The following TMEM168 variants were observed in gnomAD, a reference collection of about 807,000 sequenced individuals.
TMEM168 encodes transmembrane protein 168.
A neutral mutation model predicts 53.2 loss-of-function variants in TMEM168; 40 were observed. That is an observed-to-expected ratio of 0.75 (90% CI 0.58 to 0.98). TMEM168 has a LOEUF of 0.98. Among genes scored for constraint, TMEM168 ranks in the 50% least tolerant of loss-of-function variants. TMEM168 has a pLI of 0.00. For missense variants in TMEM168, 771 were observed against 828.8 expected (o/e 0.93, Z 0.86); for synonymous variants, 282 against 293.0 (o/e 0.96, Z 0.38).
intron 1 of TMEM168, among the ~76,000 whole-genome samples, chr7:112,787,967 G>C (rs1443588388): frequency 1.3e-5 from 2 of 151,746 alleles, no homozygotes; most frequent in Non-Finnish European, 2.9e-5. Flanking sequence ...CCCGACCTCA[G>C]GTGATCCGTC....
At chr7:112,768,565 A>C (rs1400275647) in intron 4 of TMEM168, among the ~76,000 whole-genome samples, 1 of 152,212 alleles carries the variant, frequency 6.6e-6, no homozygotes, top group Non-Finnish European at 1.5e-5. Flanking sequence ...GAAAGTTCTA[A>C]AGTAAATAAA....
rs1584451422 is a variant in TMEM168, at chr7:112,784,315, T to C, written c.511A>G (p.Thr171Ala). The change falls in exon 2 of 5, where the codon ACT becomes GCT. Residue 171 changes from threonine to alanine, a missense_variant. Coordinates refer to ENST00000312814, the MANE Select transcript of TMEM168 (RefSeq NM_022484.6). ...ELVGFAIAST[T>A]MLVEKSLSVI... ...CTCAGAGACTTCTCCACCAACATAGTTGTGCTGGCAATGGCAAATCCAACA... is the reference window on the plus strand; with the variant it reads ...CTCAGAGACTTCTCCACCAACATAGCTGTGCTGGCAATGGCAAATCCAACA... The C allele has an allele frequency of 1.2e-6, 2 of 1,614,178 alleles. No homozygotes were observed. The highest frequency in any genetic ancestry group is 1.7e-6 in the Non-Finnish European group (2 of 1,180,032).
chr7:112,784,839 T>G lies in TMEM168; in HGVS notation c.-14A>C, dbSNP rs781031180. On this transcript the variant is annotated 5_prime_UTR_variant, in exon 2 of 5. Transcript: ENST00000312814. ...TGATTTACACATGTAACCAGCAATG[T>G]GGGCTTTTCCCTCACGTTACAAAAA... 12 of 1,537,858 alleles carry G rather than the reference T, an allele frequency of 7.8e-6. No homozygotes were observed. In the Admixed American group the frequency reaches 8.5e-5, roughly 11 times the overall value.
chr7:112,762,842 A>G lies in TMEM168; in HGVS notation c.*4355T>C, dbSNP rs1792694821. On this transcript the variant is annotated 3_prime_UTR_variant, in exon 5 of 5. Transcript: ENST00000312814. ...ATTACTGCTTAAACTTCATCGTTTT[A>G]TATTGTTTCTATGTGTTATAATTAG... The G allele has an allele frequency of 6.6e-6, 1 of 152,068 alleles. No individual in the cohort carries two copies. Among genetic ancestry groups the G allele is most frequent in the African/African-American group, 2.4e-5 (1 of 41,450 alleles). 9.4% of individuals were successfully genotyped at this position (152,068 alleles called of 1,614,324 possible).
In TMEM168 at chr7:112,765,593, T is replaced by C. The variant is rs1193594809; in HGVS notation, c.*1604A>G. On this transcript the variant is annotated 3_prime_UTR_variant, in exon 5 of 5. Transcript: ENST00000312814. ...AATAAAAAAAACTATACTATTTTAT[T>C]TGGACAATACTAATATAAATCCTTA... 2.0e-5 allele frequency: 3 copies of C among 152,156 alleles called. No homozygotes were observed. The highest frequency in any genetic ancestry group is 2.9e-5 in the Non-Finnish European group (2 of 68,014). The allele number at this position is 152,156 out of a possible 1,614,324, so 9.4% of individuals were successfully genotyped here.
intron 2 of TMEM168, among the ~76,000 whole-genome samples, chr7:112,777,148 G>C (rs1374105469): frequency 6.6e-6 from 1 of 151,896 alleles, no homozygotes. Context: ...CTTAACATGA[G>C]TTCTTAATTA....
At chr7:112,774,585 CTTTTTTTT>C (rs1158081885) in intron 3 of TMEM168, among the ~76,000 whole-genome samples, 1 of 143,166 alleles carries the variant, frequency 7.0e-6, no homozygotes, top group Middle Eastern at 3.6e-3. Context: ...TGCTTTTTTC[CTTTTTTTT>C]TTTTGAGACG....
intron 3 of TMEM168, among the ~76,000 whole-genome samples, chr7:112,774,434 TAC>T (rs1349072973): frequency 1.4e-5 from 2 of 146,750 alleles, no homozygotes; most frequent in East Asian, 4.2e-4. Flanking sequence ...TATCACTATA[TAC>T]ATTTTAGGCA....
Position 112,784,953 on chromosome 7 carries a change from T to C in TMEM168, c.-128A>G. The C allele has an allele frequency of 1.4e-6, 1 of 731,874 alleles. No homozygotes were observed. The highest frequency in any genetic ancestry group is 3.1e-5 in the East Asian group (1 of 32,248). The allele number at this position is 731,874 out of a possible 1,614,324, so 45.3% of individuals were successfully genotyped here. On this transcript the variant is annotated splice_region_variant and 5_prime_UTR_variant, in exon 2 of 5. Coordinates refer to ENST00000312814, the MANE Select transcript of TMEM168 (RefSeq NM_022484.6). ...CTTGTGGAAATTTTGTTTATAGTGA[T>C]CTAAAAAGAAGAAAACAATATTTCA...
At position 112,772,934 on chromosome 7, in the gene TMEM168, A is replaced by AT. The variant is rs769373541; in HGVS notation, c.1392dup (p.Cys465MetfsTer2). 2 of 1,614,132 alleles carry AT rather than the reference A, an allele frequency of 1.2e-6. No individual in the cohort carries two copies. Among genetic ancestry groups the AT allele is most frequent in the Non-Finnish European group, 1.7e-6 (2 of 1,179,980 alleles). On this transcript the variant is annotated frameshift_variant, in exon 4 of 5. Transcript: ENST00000312814. LOFTEE classifies it high-confidence loss of function. ...GACAGTCCACTTGTGGAATAGTCACATCCATAGGTCTCAATCATATGATAT... is the reference window on the plus strand; with the variant it reads ...GACAGTCCACTTGTGGAATAGTCACATTCCATAGGTCTCAATCATATGATAT...
chr7:112,772,252 T>A (rs1170079704), intron 4 of TMEM168, among the ~76,000 whole-genome samples: 1 of 152,228 alleles, frequency 6.6e-6, no homozygotes, highest in Non-Finnish European at 1.5e-5. Flanking sequence ...CCCCTTATTT[T>A]ACAGATGAGA....
At chr7:112,776,785 T>C (rs781050312) in intron 2 of TMEM168, among the ~76,000 whole-genome samples, 1 of 151,840 alleles carries the variant, frequency 6.6e-6, no homozygotes, top group African/African-American at 2.4e-5. Context: ...ATGGGATACA[T>C]AATCTATCAA....
intron 3 of TMEM168, among the ~76,000 whole-genome samples, chr7:112,774,422 G>A (rs1793017314): frequency 1.5e-5 from 2 of 134,254 alleles, no homozygotes. Flanking sequence ...GAACAGAAGA[G>A]TTATCACTAT....
intron 4 of TMEM168, among the ~76,000 whole-genome samples, chr7:112,771,965 A>C (rs1792940708): frequency 6.6e-6 from 1 of 152,104 alleles, no homozygotes; most frequent in Non-Finnish European, 1.5e-5. Flanking sequence ...TCAGCTACTT[A>C]AGGATCCTCT....
At chr7:112,769,095 T>A (rs1414888221) in intron 4 of TMEM168, among the ~76,000 whole-genome samples, 1 of 152,190 alleles carries the variant, frequency 6.6e-6, no homozygotes, top group Non-Finnish European at 1.5e-5. Context: ...CCAAATCAAC[T>A]GTCCTCTTGG....
chr7:112,768,941 C>G (rs2116223316), intron 4 of TMEM168, among the ~76,000 whole-genome samples: 1 of 152,278 alleles, frequency 6.6e-6, no homozygotes, highest in South Asian at 2.1e-4. Flanking sequence ...TTAGAAAAAG[C>G]ATGACAGTAC....
chr7:112,783,626 C>T (rs1793288356), intron 2 of TMEM168, 72 bp downstream of exon 2: 13 of 1,349,506 alleles, frequency 9.6e-6, no homozygotes, highest in East Asian at 5.2e-5. Context: ...GACCTTATAA[C>T]TTTAATTTCA....
In TMEM168 at chr7:112,783,816, T is replaced by C; in HGVS notation, c.1010A>G (p.Tyr337Cys). The change falls in exon 2 of 5, where the codon TAC (tyrosine) becomes TGC (cysteine). Residue 337 changes from tyrosine (Y) to cysteine (C), a missense_variant. By Grantham distance (194) the Tyr-to-Cys change is radical (BLOSUM62 -2). Transcript: ENST00000312814. ...HKVYFTHRTD[Y>C]NSLDRIMASK... ...TGCCATGATTCTATCAAGGCTATTG[T>C]AATCTGTCCTGTGAGTAAAATATAC... 1 of 1,607,206 alleles carries C rather than the reference T, an allele frequency of 6.2e-7. No homozygotes were observed.
At chr7:112,785,907 A>G (rs1370812808) in intron 1 of TMEM168, among the ~76,000 whole-genome samples, 1 of 152,166 alleles carries the variant, frequency 6.6e-6, no homozygotes, top group Non-Finnish European at 1.5e-5. Flanking sequence ...ACCCAATCAG[A>G]TATTTAAAAA....
Sources: allele counts gnomAD v4.1 joint callset (sites outside exome capture counted in the v4.1 genomes callset), GRCh38; gene constraint gnomAD v4.1.1; transcripts MANE v1.5; gene names NCBI Gene and HGNC (gene_info 2026-07-23, HGNC 2026-07-21).